SLC4A4: variants seen among roughly 807,000 people sequenced by gnomAD.
SLC4A4 encodes the protein solute carrier family 4 member 4.
Under a neutral mutation model 111.5 loss-of-function variants are expected in SLC4A4, and 27 were observed. The ratio of observed to expected loss-of-function variants is 0.24; its 90% CI spans 0.18 to 0.33. The LOEUF (loss-of-function observed/expected upper bound fraction) is 0.33, where lower values mean the gene tolerates loss of function less well. Ranked by LOEUF, SLC4A4 falls within the 10% of genes least tolerant of loss-of-function variation. The pLI is 1.00. For missense variants in SLC4A4, 909 were observed against 1,315.5 expected, an observed-to-expected ratio of 0.69 and a Z score of 4.78; for synonymous variants, 443 against 463.4, an observed-to-expected ratio of 0.96 and a Z score of 0.57.
Position 71,084,817 on chromosome 4 carries a change from G to C in SLC4A4, c.-64-7913G>C, listed in dbSNP as rs111558994. ...TCCAGTCTACTATTGATGGACATTT[G>C]GGTTGGTTCCAAGTCTTTGCTATTG... On this transcript the variant is annotated intron_variant, in intron 1 of 26. Coordinates refer to the SLC4A4 transcript ENST00000649996. Among the ~76,000 whole-genome samples, 341 of 152,086 alleles carry C rather than the reference G, an allele frequency of 2.2e-3. 11 individuals carry two copies. The highest frequency in any genetic ancestry group is 8.0e-3 in the African/African-American group (331 of 41,386).
intron 15 of SLC4A4, among the ~76,000 whole-genome samples, chr4:71,496,044 AGG>A (rs1379849264): frequency 2.0e-5 from 3 of 152,108 alleles, no homozygotes; most frequent in Non-Finnish European, 4.4e-5. Flanking sequence ...CATCAGTATA[AGG>A]GCGATCTGTG....
intron 2 of SLC4A4, among the ~76,000 whole-genome samples, chr4:71,144,866 C>G (rs1744119351): frequency 6.6e-6 from 1 of 152,134 alleles, no homozygotes. Flanking sequence ...ATGGGGTTTT[C>G]TAGATATACA....
Position 71,078,518 on chromosome 4 carries a change from A to G in SLC4A4, c.-64-14212A>G, listed in dbSNP as rs552815186. ...ATTAGAATCTTGGAAAGGCTTAAGT[A>G]AAATATCTTGCACAGACTAAGTAAG... On this transcript the variant is annotated intron_variant, in intron 1 of 26. Transcript: ENST00000649996. Among the ~76,000 whole-genome samples the G allele has an allele frequency of 5.3e-5, 8 of 152,298 alleles. No individual in the cohort carries two copies. In the East Asian group the frequency reaches 1.5e-3, roughly 29 times the overall value.
At chr4:71,289,441 T>C (rs1724164075) in intron 3 of SLC4A4, among the ~76,000 whole-genome samples, 1 of 152,218 alleles carries the variant, frequency 6.6e-6, no homozygotes, top group Non-Finnish European at 1.5e-5. Flanking sequence ...CAACATATTC[T>C]AAATGTTCTT....
At chr4:71,453,753 C>T in intron 12 of SLC4A4, 84 bp downstream of exon 12, 1 of 1,225,056 alleles carries the variant, frequency 8.2e-7, no homozygotes, top group Non-Finnish European at 1.2e-6. Flanking sequence ...AGCAGATGGC[C>T]TTTCAGTTAC....
intron 13 of SLC4A4, among the ~76,000 whole-genome samples, chr4:71,472,007 C>T (rs2149107245): frequency 6.6e-6 from 1 of 151,932 alleles, no homozygotes; most frequent in East Asian, 2.0e-4. Context: ...TTTCTAATTC[C>T]ACCTCATGTT....
At chr4:71,386,623 T>A (rs1405836816) in intron 6 of SLC4A4, among the ~76,000 whole-genome samples, 1 of 152,094 alleles carries the variant, frequency 6.6e-6, no homozygotes, top group East Asian at 1.9e-4. Context: ...CTCATACATA[T>A]AGGTTTTAAG....
At chr4:71,378,579 T>C (rs1578960616) in intron 6 of SLC4A4, among the ~76,000 whole-genome samples, 1 of 152,216 alleles carries the variant, frequency 6.6e-6, no homozygotes, top group African/African-American at 2.4e-5. Context: ...GATTTAATGA[T>C]TGGAGACAGC....
At chr4:71,440,484 T>A in intron 7 of SLC4A4, 132 bp from the exon 8 acceptor site, 2 of 939,702 alleles carry the variant, frequency 2.1e-6, no homozygotes, top group South Asian at 1.3e-5. Flanking sequence ...ATGTTGCATG[T>A]CAATTTGTAA....
intron 1 of SLC4A4, among the ~76,000 whole-genome samples, chr4:71,231,255 G>A (rs1032162039): frequency 1.3e-5 from 2 of 152,206 alleles, no homozygotes; most frequent in African/African-American, 4.8e-5. Flanking sequence ...GCAGCTGCTT[G>A]CGCTGTGCGG....
rs61539350 is a variant in SLC4A4 at position 71,165,915 on chromosome 4, T to A, written c.-1-70661T>A. On this transcript the variant is annotated intron_variant, in intron 2 of 26. Transcript: ENST00000649996. Reference sequence around the variant, plus strand: ...ATAATGTGAGCACATGTAGTTACTGTTTTTTAGGAGCTTCCAGAATCTTAA... The same window carrying A: ...ATAATGTGAGCACATGTAGTTACTGATTTTTAGGAGCTTCCAGAATCTTAA... Among the ~76,000 whole-genome samples the A allele has an allele frequency of 5.3e-3, 809 of 152,194 alleles. 9 individuals are homozygous for A. Among genetic ancestry groups the A allele is most frequent in the African/African-American group, 0.019 (774 of 41,538 alleles).
chr4:71,345,987 A>G (rs994849632), intron 4 of SLC4A4, among the ~76,000 whole-genome samples: 1 of 152,112 alleles, frequency 6.6e-6, no homozygotes, highest in African/African-American at 2.4e-5. Flanking sequence ...GACATTTATC[A>G]TCATTTCAAT....
At chr4:71,482,110 A>G (rs921956761) in intron 14 of SLC4A4, among the ~76,000 whole-genome samples, 1 of 151,714 alleles carries the variant, frequency 6.6e-6, no homozygotes, top group African/African-American at 2.4e-5. Context: ...AATGGTAACC[A>G]ACGGTTCTTG....
intron 3 of SLC4A4, among the ~76,000 whole-genome samples, chr4:71,287,752 A>G (rs1724032781): frequency 6.6e-6 from 1 of 152,206 alleles, no homozygotes; most frequent in Non-Finnish European, 1.5e-5. Context: ...GTTGTAGTCC[A>G]GTGATTAGTC....
chr4:71,416,689 T>A (rs1046674847), intron 7 of SLC4A4, among the ~76,000 whole-genome samples: 4 of 151,942 alleles, frequency 2.6e-5, no homozygotes, highest in African/African-American at 4.8e-5. Context: ...TAAAACATTT[T>A]AAATTATTAT....
intron 4 of SLC4A4, among the ~76,000 whole-genome samples, chr4:71,348,345 ACAC>A (rs1209449467): frequency 6.7e-6 from 1 of 149,408 alleles, no homozygotes; most frequent in Admixed American, 6.6e-5. Context: ...ACACACACAC[ACAC>A]ACACACTAGA....
chr4:71,315,644 A>G lies in SLC4A4; in HGVS notation c.254-23726A>G, dbSNP rs980917443. ...TTTTATTTGGGTATTTGGAAAGAGT[A>G]TTTTTATAATAAGGTAAACCTAGAA... On this transcript the variant is annotated intron_variant, in intron 3 of 25. Transcript: ENST00000264485. Among the ~76,000 whole-genome samples, 5 of 152,108 alleles carry G rather than the reference A, an allele frequency of 3.3e-5. No homozygotes were observed. In the South Asian group the frequency reaches 1.0e-3, roughly 32 times the overall value.
At chr4:71,109,908 G>T (rs1743042582) in intron 2 of SLC4A4, among the ~76,000 whole-genome samples, 1 of 152,168 alleles carries the variant, frequency 6.6e-6, no homozygotes, top group African/African-American at 2.4e-5. Flanking sequence ...TGCTCCCAAA[G>T]TTGTGTGCAA....
intron 7 of SLC4A4, among the ~76,000 whole-genome samples, chr4:71,413,691 G>T (rs569940100): frequency 6.6e-6 from 1 of 152,148 alleles, no homozygotes; most frequent in African/African-American, 2.4e-5. Context: ...GGGAAAGGGC[G>T]CTTGTTGCTG....
Sources: gnomAD v4.1 joint callset for allele counts (sites outside exome capture counted in the v4.1 genomes callset) on GRCh38, gnomAD v4.1.1 for gene constraint, MANE v1.5 for transcripts, NCBI Gene and HGNC (gene_info 2026-07-23, HGNC 2026-07-21) for gene names.